PHACTR1: variants seen among roughly 807,000 people sequenced by gnomAD.
PHACTR1 encodes the protein phosphatase and actin regulator 1.
In PHACTR1, 16 loss-of-function variants were observed where a neutral mutation model predicts 69.2. That is an observed-to-expected ratio of 0.23 (90% CI 0.16 to 0.35). The LOEUF (loss-of-function observed/expected upper bound fraction) is 0.35, where lower values mean the gene tolerates loss of function less well. PHACTR1 is among the 10% of genes least tolerant of loss of function. The pLI is 1.00. For synonymous variants in PHACTR1, 312 were observed against 284.5 expected, an observed-to-expected ratio of 1.10 and a Z score of -0.97; for missense variants, 510 against 734.7, an observed-to-expected ratio of 0.69 and a Z score of 3.54.
chr6:13,247,747 G>A (rs73357179), intron 10 of PHACTR1, among the ~76,000 whole-genome samples: 9,141 of 152,130 alleles, frequency 0.06, 799 homozygotes, highest in African/African-American at 0.2. Context: ...CCAGCTGCTC[G>A]GGAGACTGAA....
At position 13,009,074 on chromosome 6, in the gene PHACTR1, G is replaced by A. The variant is rs566568894; in HGVS notation, c.251-44291G>A. 1.1e-4 allele frequency among the ~76,000 whole-genome samples: 17 copies of A among 152,236 alleles called. No individual in the cohort carries two copies. In the South Asian group the frequency reaches 2.9e-3, roughly 26 times the overall value. ...TGGCAGCAGTGTCACTCCCATCTCC[G>A]AGTCCATCTTCACATTGTCTTCTCC... On this transcript the variant is annotated intron_variant, in intron 4 of 14. Coordinates refer to ENST00000332995, the MANE Select transcript of PHACTR1 (RefSeq NM_030948.6).
At chr6:13,003,335 C>T (rs1798312397) in intron 4 of PHACTR1, among the ~76,000 whole-genome samples, 2 of 152,056 alleles carry the variant, frequency 1.3e-5, no homozygotes, top group Non-Finnish European at 2.9e-5. Flanking sequence ...TTTAATAATT[C>T]TGTTTTTTCA....
At chr6:12,785,558 A>G (rs1294945318) in intron 4 of PHACTR1, among the ~76,000 whole-genome samples, 1 of 152,194 alleles carries the variant, frequency 6.6e-6, no homozygotes, top group Non-Finnish European at 1.5e-5. Context: ...AGGAAAATTC[A>G]GATTTCTTCT....
chr6:13,143,313 A>G (rs1051832179), intron 5 of PHACTR1, among the ~76,000 whole-genome samples: 2 of 152,230 alleles, frequency 1.3e-5, no homozygotes, highest in Non-Finnish European at 2.9e-5. Flanking sequence ...CAAAGGATAA[A>G]TGCTTGAGGT....
At chr6:12,946,982 T>G (rs1790747694) in intron 4 of PHACTR1, among the ~76,000 whole-genome samples, 1 of 151,696 alleles carries the variant, frequency 6.6e-6, no homozygotes, top group Non-Finnish European at 1.5e-5. Context: ...CTGACTAATT[T>G]TTGTATTTTT....
intron 3 of PHACTR1, among the ~76,000 whole-genome samples, chr6:12,719,676 A>G (rs2127554766): frequency 6.6e-6 from 1 of 152,378 alleles, no homozygotes. Context: ...GTCACAAAGC[A>G]GAGCTGAGAA....
chr6:13,247,432 G>C (rs1262752664), intron 10 of PHACTR1, among the ~76,000 whole-genome samples: 1 of 150,686 alleles, frequency 6.6e-6, no homozygotes, highest in Non-Finnish European at 1.5e-5. Flanking sequence ...TGCAACCTCC[G>C]CCTCCTGGGT....
chr6:12,954,953 A>G lies in PHACTR1; in HGVS notation c.251-98412A>G, dbSNP rs146448341. Reference sequence around the variant, plus strand: ...CCACATGTGGCTACTGGGCACTTGAAATGTGGCTAGTCTTATTTGAGATGT... The same window carrying G: ...CCACATGTGGCTACTGGGCACTTGAGATGTGGCTAGTCTTATTTGAGATGT... On this transcript the variant is annotated intron_variant, in intron 4 of 14. Coordinates refer to ENST00000332995, the MANE Select transcript of PHACTR1 (RefSeq NM_030948.6). Among the ~76,000 whole-genome samples, 9 of 152,340 alleles carry G rather than the reference A, an allele frequency of 5.9e-5. No individual in the cohort carries two copies. The East Asian group carries it at 1.5e-3, about 26-fold the overall frequency.
At chr6:12,726,350 G>C (rs1372933647) in intron 3 of PHACTR1, among the ~76,000 whole-genome samples, 3 of 152,166 alleles carry the variant, frequency 2.0e-5, no homozygotes, top group Non-Finnish European at 4.4e-5. Flanking sequence ...GAGCTTAATT[G>C]AGCTGAGTTT....
intron 5 of PHACTR1, among the ~76,000 whole-genome samples, chr6:13,140,647 G>A (rs1209964766): frequency 2.0e-5 from 3 of 152,194 alleles, no homozygotes; most frequent in Non-Finnish European, 2.9e-5. Context: ...GGGGAATGAG[G>A]AGTTACTGTT....
intron 4 of PHACTR1, among the ~76,000 whole-genome samples, chr6:12,791,109 CA>C (rs1772213782): frequency 6.6e-6 from 1 of 152,094 alleles, no homozygotes; most frequent in Non-Finnish European, 1.5e-5. Flanking sequence ...GTCATGTAAG[CA>C]ATTTTGTATA....
intron 4 of PHACTR1, among the ~76,000 whole-genome samples, chr6:12,944,742 G>A (rs963980013): frequency 3.3e-5 from 5 of 150,814 alleles, no homozygotes; most frequent in African/African-American, 4.9e-5. Context: ...TGAAGACGTC[G>A]TCACCTTTTG....
intron 4 of PHACTR1, among the ~76,000 whole-genome samples, chr6:13,048,864 G>A (rs530087680): frequency 6.6e-6 from 1 of 152,274 alleles, no homozygotes; most frequent in South Asian, 2.1e-4. Context: ...TTCATAAGTT[G>A]GCTCACTCTT....
intron 4 of PHACTR1, among the ~76,000 whole-genome samples, chr6:12,923,316 AT>A (rs1787917117): frequency 6.6e-6 from 1 of 152,324 alleles, no homozygotes; most frequent in East Asian, 1.9e-4. Flanking sequence ...ATGATTGAGA[AT>A]TTACTTTGAA....
At chr6:12,854,894 G>A (rs1780189394) in intron 4 of PHACTR1, among the ~76,000 whole-genome samples, 1 of 152,160 alleles carries the variant, frequency 6.6e-6, no homozygotes, top group Admixed American at 6.6e-5. Flanking sequence ...AATGTCAGCT[G>A]TTGGCAAGGT....
chr6:12,972,057 C>T (rs1467977658), intron 4 of PHACTR1, among the ~76,000 whole-genome samples: 1 of 152,228 alleles, frequency 6.6e-6, no homozygotes, highest in South Asian at 2.1e-4. Flanking sequence ...AACTTCACAA[C>T]AACCTACCGA....
chr6:12,999,343 T>C (rs1221332548), intron 4 of PHACTR1, among the ~76,000 whole-genome samples: 16 of 152,322 alleles, frequency 1.1e-4, no homozygotes, highest in Admixed American at 3.9e-4. Flanking sequence ...CTCACGCCTG[T>C]AATCCCAGCA....
At chr6:13,031,451 G>C (rs1802440105) in intron 4 of PHACTR1, among the ~76,000 whole-genome samples, 1 of 152,186 alleles carries the variant, frequency 6.6e-6, no homozygotes, top group African/African-American at 2.4e-5. Context: ...TATCCCAAGA[G>C]TGATGTAAGT....
At chr6:12,777,014 T>A (rs866085552) in intron 4 of PHACTR1, among the ~76,000 whole-genome samples, 1 of 152,152 alleles carries the variant, frequency 6.6e-6, no homozygotes, top group East Asian at 1.9e-4. Flanking sequence ...AATACACTCA[T>A]GTTCAAGGTT....
Sources: allele counts gnomAD v4.1 joint callset (sites outside exome capture counted in the v4.1 genomes callset), GRCh38; gene constraint gnomAD v4.1.1; transcripts MANE v1.5; gene names NCBI Gene and HGNC (gene_info 2026-07-23, HGNC 2026-07-21).